Variants in TERF2 observed in about 807,000 individuals in gnomAD.
TERF2 encodes the protein telomeric repeat-binding factor 2.
Under a neutral mutation model 56.1 loss-of-function variants are expected in TERF2, and 16 were observed. The observed-to-expected ratio is 0.29, with a 90% CI of 0.19 to 0.43. The LOEUF (loss-of-function observed/expected upper bound fraction) is 0.43, where lower values mean the gene tolerates loss of function less well. Among genes scored for constraint, TERF2 ranks in the 20% least tolerant of loss-of-function variants. The probability of loss-of-function intolerance (pLI) is 1.00; values close to 1 mark genes in which losing one functional copy is unlikely to be tolerated. For synonymous variants in TERF2, 296 were observed against 282.1 expected, an observed-to-expected ratio of 1.05 and a Z score of -0.50; for missense variants, 547 against 712.9, an observed-to-expected ratio of 0.77 and a Z score of 2.65.
At position 69,367,079 on chromosome 16, in the gene TERF2, A is replaced by T. The variant is rs1291273173; in HGVS notation, c.1068T>A (p.Val356=). ...AFAKLDQKDL[V]LPTQALPASP... ...ATGCTGGGAGAGCTTGAGTAGGAAG[A>T]ACCAGATCCTTCTGGTCCAGTTTTG... is the stretch of plus-strand genomic sequence containing the variant. Residue 356 remains valine, a synonymous_variant, in exon 7 of 10, where the codon GTT becomes GTA. Transcript: ENST00000254942. 9 of 1,614,204 alleles carry T rather than the reference A, an allele frequency of 5.6e-6. No homozygotes were observed. Among genetic ancestry groups the T allele is most frequent in the Non-Finnish European group, 6.8e-6 (8 of 1,180,028 alleles).
chr16:69,363,397 G>A (rs2013216290), intron 7 of TERF2, among the ~76,000 whole-genome samples: 1 of 152,074 alleles, frequency 6.6e-6, no homozygotes, highest in South Asian at 2.1e-4. Context: ...TGGTGATTTC[G>A]CAAGACCTCT....
chr16:69,362,112 C>T (rs1303353734), intron 7 of TERF2, among the ~76,000 whole-genome samples: 1 of 151,764 alleles, frequency 6.6e-6, no homozygotes, highest in Non-Finnish European at 1.5e-5. Flanking sequence ...TCCAGTCTGG[C>T]CCGTCAGTTT....
rs910099454 is a variant in TERF2 at position 69,380,114 on chromosome 16, T to C, written c.606+4466A>G. Among the ~76,000 whole-genome samples, 9 of 151,878 alleles carry C rather than the reference T, an allele frequency of 5.9e-5. No individual in the cohort carries two copies. The East Asian group carries it at 1.6e-3, about 27-fold the overall frequency. On this transcript the variant is annotated intron_variant, in intron 3 of 9. Coordinates refer to ENST00000254942, the MANE Select transcript of TERF2 (RefSeq NM_005652.5). ...TTTTGGTAGAGACAGGGTTTCACCA[T>C]ACTGGCCAGCCTAGTCTCAAACTTC...
Position 69,361,097 on chromosome 16 carries a change from G to C in TERF2, c.1426+307C>G, listed in dbSNP as rs147419018. ...AAAGTGAAAAAAACAGCCAGGTGTGGTGGTGCACACCTGCAGTCCCAGCTA... is the reference window on the plus strand; with the variant it reads ...AAAGTGAAAAAAACAGCCAGGTGTGCTGGTGCACACCTGCAGTCCCAGCTA... On this transcript the variant is annotated intron_variant, in intron 8 of 9. Coordinates refer to ENST00000254942, the MANE Select transcript of TERF2 (RefSeq NM_005652.5). Among the ~76,000 whole-genome samples the C allele has an allele frequency of 4.7e-3, 716 of 152,116 alleles. 11 individuals are homozygous for C. The highest frequency in any genetic ancestry group is 0.015 in the African/African-American group (641 of 41,514).
intron 5 of TERF2, among the ~76,000 whole-genome samples, chr16:69,369,063 G>T (rs1567448538): frequency 1.2e-5 from 1 of 81,044 alleles, no homozygotes; most frequent in Non-Finnish European, 2.6e-5. Context: ...ACAACTGTTT[G>T]AGAATCCTTA....
intron 3 of TERF2, among the ~76,000 whole-genome samples, chr16:69,372,695 G>A (rs1364492116): frequency 2.6e-5 from 4 of 152,264 alleles, no homozygotes; most frequent in African/African-American, 7.2e-5. Flanking sequence ...CTGGGACGCA[G>A]AGGTTGCAGT....
intron 8 of TERF2, among the ~76,000 whole-genome samples, chr16:69,360,590 C>T (rs1187222794): frequency 6.6e-6 from 1 of 151,530 alleles, no homozygotes; most frequent in African/African-American, 2.4e-5. Flanking sequence ...GGCCTGTAGT[C>T]CCCGATACTC....
At chr16:69,363,608 C>T (rs943132682) in intron 7 of TERF2, among the ~76,000 whole-genome samples, 3 of 152,214 alleles carry the variant, frequency 2.0e-5, no homozygotes, top group Non-Finnish European at 2.9e-5. Flanking sequence ...CTGGCTGCTG[C>T]GGCTTGTGTA....
rs1017966719 is a variant in TERF2, at chr16:69,356,455, C to T, written c.*443G>A. The T allele has an allele frequency of 4.1e-5, 11 of 267,890 alleles. No individual in the cohort carries two copies. The highest frequency in any genetic ancestry group is 6.6e-5 in the Non-Finnish European group (9 of 135,640). 16.6% of individuals were successfully genotyped at this position (267,890 alleles called of 1,614,324 possible). ...AGTGATGAAGTGGAAATGGGACCTC[C>T]CCCACGTCGAAGGAGGTTGCCCAAA... On this transcript the variant is annotated 3_prime_UTR_variant, in exon 10 of 10. Transcript: ENST00000254942.
intron 7 of TERF2, chr16:69,365,448 A>G (rs549122525): frequency 2.0e-5 from 3 of 152,532 alleles, no homozygotes; most frequent in African/African-American, 7.2e-5. Flanking sequence ...GCAGAGGCAG[A>G]GGTGGCCTTG....
intron 8 of TERF2, among the ~76,000 whole-genome samples, chr16:69,360,501 C>T (rs1286216234): frequency 3.3e-5 from 5 of 151,400 alleles, no homozygotes; most frequent in Admixed American, 2.6e-4. Context: ...CCCAGGAGTT[C>T]GAGATCATAC....
Position 69,385,759 on chromosome 16 carries a change from C to G in TERF2, c.213G>C (p.Gly71=), listed in dbSNP as rs918555880. The change falls in exon 1 of 10, where the codon GGG becomes GGC. Residue 71 remains glycine, a synonymous_variant. Transcript: ENST00000254942. ...ASRSSGRARR[G]RHEPGLGGPA... ...GGCCCCCCAGCCCCGGCTCGTGGCG[C>G]CCCCGCCGGGCCCGCCCGCTACTGC... The G allele has an allele frequency of 2.2e-6, 3 of 1,388,098 alleles. No individual in the cohort carries two copies. The highest frequency in any genetic ancestry group is 2.8e-6 in the Non-Finnish European group (3 of 1,073,308). The allele number at this position is 1,388,098 out of a possible 1,614,324, so 86.0% of individuals were successfully genotyped here.
At chr16:69,364,136 C>T (rs1397330358) in intron 7 of TERF2, among the ~76,000 whole-genome samples, 1 of 152,174 alleles carries the variant, frequency 6.6e-6, no homozygotes, top group Non-Finnish European at 1.5e-5. Flanking sequence ...CCTTATTTTA[C>T]TTGGTGAATA....
At position 69,385,914 on chromosome 16, in the gene TERF2, G is replaced by A; in HGVS notation, c.58C>T (p.Pro20Ser). 1 of 1,389,798 alleles carries A rather than the reference G, an allele frequency of 7.2e-7. No homozygotes were observed. Among genetic ancestry groups the A allele is most frequent in the Non-Finnish European group, 9.3e-7 (1 of 1,071,086 alleles). The allele number at this position is 1,389,798 out of a possible 1,614,324, so 86.1% of individuals were successfully genotyped here. The change falls in exon 1 of 10, where the codon CCA (proline) becomes TCA (serine). Residue 20 changes from proline (P) to serine (S), a missense_variant. Around this residue, in one of 6 missense-constraint regions of TERF2, gnomAD observed 85 missense variants for 59.5 expected, o/e 1.43. Coordinates refer to ENST00000254942, the MANE Select transcript of TERF2 (RefSeq NM_005652.5). ...PASGPGVVRDPAASQPRKRPG... is the reference protein window; with the variant it reads ...PASGPGVVRDSAASQPRKRPG... Reference sequence around the variant, plus strand: ...CGCTTCCTCGGCTGTGACGCCGCTGGGTCACGCACGACGCCCGGGCCGGAA... The same window carrying A: ...CGCTTCCTCGGCTGTGACGCCGCTGAGTCACGCACGACGCCCGGGCCGGAA...
chr16:69,375,825 T>C (rs2013757757), intron 3 of TERF2, among the ~76,000 whole-genome samples: 1 of 152,202 alleles, frequency 6.6e-6, no homozygotes, highest in African/African-American at 2.4e-5. Flanking sequence ...ATTTCCTTAA[T>C]GAGTAAATGA....
intron 5 of TERF2, among the ~76,000 whole-genome samples, chr16:69,369,606 T>C (rs1351920018): frequency 3.3e-5 from 5 of 152,064 alleles, no homozygotes; most frequent in African/African-American, 1.2e-4. Flanking sequence ...GCCAAAGTCC[T>C]GGTTTCAAAA....
At position 69,385,822 on chromosome 16, in the gene TERF2, G is replaced by T. The variant is rs1052011598; in HGVS notation, c.150C>A (p.Ser50Arg). ...SDTMAGGGGS[S>R]DGSGRAAGRR... is the part of the protein sequence containing the mutation. ...TGCCAGCTGCCCGCCCGCTGCCGTC[G>T]CTACTCCCGCCTCCTCCCGCCATCG... The change falls in exon 1 of 10, where the codon AGC becomes AGA. Residue 50 changes from serine to arginine, a missense_variant. Around this residue, in one of 6 missense-constraint regions of TERF2, gnomAD observed 120 missense variants for 172.4 expected, o/e 0.70. Transcript: ENST00000254942. The T allele has an allele frequency of 9.1e-6, 12 of 1,325,520 alleles. 1 individual carries two copies. The highest frequency in any genetic ancestry group is 1.1e-5 in the Non-Finnish European group (11 of 1,036,934). 82.1% of individuals were successfully genotyped at this position (1,325,520 alleles called of 1,614,324 possible).
chr16:69,361,317 G>T, intron 8 of TERF2, 87 bp downstream of exon 8: 1 of 926,200 alleles, frequency 1.1e-6, no homozygotes, highest in Non-Finnish European at 1.8e-6. Flanking sequence ...TCGGAGACAA[G>T]CAGCTTCTGG....
chr16:69,383,302 G>A, intron 3 of TERF2, among the ~76,000 whole-genome samples: 1 of 152,168 alleles, frequency 6.6e-6, no homozygotes, highest in East Asian at 1.9e-4. Context: ...GATTTGGGAT[G>A]CTCAAACTAA....
Sources: allele counts gnomAD v4.1 joint callset (sites outside exome capture counted in the v4.1 genomes callset), GRCh38; gene constraint gnomAD v4.1.1; regional missense constraint gnomAD v4.1.1; transcripts MANE v1.5; gene names NCBI Gene and HGNC (gene_info 2026-07-23, HGNC 2026-07-21).